The following NPAS2 variants were observed in gnomAD, a reference collection of about 807,000 sequenced individuals.
The protein encoded by NPAS2 is neuronal PAS domain-containing protein 2.
In NPAS2, 23 loss-of-function variants were observed where a neutral mutation model predicts 107.5. The observed-to-expected ratio is 0.21, with a 90% CI of 0.15 to 0.30. The LOEUF is 0.30. Ranked by LOEUF, NPAS2 falls within the 10% of genes least tolerant of loss-of-function variation. The pLI is 1.00. For synonymous variants in NPAS2, 403 were observed against 417.5 expected (o/e 0.97, Z 0.42); for missense variants, 756 against 1,043.3 (o/e 0.72, Z 3.79).
intron 12 of NPAS2, 37 bp from the exon 13 acceptor site, chr2:100,974,766 A>G: frequency 6.3e-7 from 1 of 1,589,600 alleles, no homozygotes; most frequent in Non-Finnish European, 8.6e-7. Flanking sequence ...TTTCCTCTTG[A>G]TGCTGACATG....
chr2:100,895,351 G>C (rs1214871746), intron 1 of NPAS2, among the ~76,000 whole-genome samples: 1 of 152,238 alleles, frequency 6.6e-6, no homozygotes, highest in Non-Finnish European at 1.5e-5. Flanking sequence ...AGTGAGAAAA[G>C]CTCTTCTGTT....
At chr2:100,912,254 T>C (rs1682604596) in intron 2 of NPAS2, among the ~76,000 whole-genome samples, 1 of 54,874 alleles carries the variant, frequency 1.8e-5, no homozygotes, top group Admixed American at 3.1e-4. Context: ...ATTTATTTAT[T>C]TATTATTATT....
chr2:100,989,312 G>A (rs1301182169), intron 17 of NPAS2: 2 of 152,520 alleles, frequency 1.3e-5, no homozygotes, highest in Non-Finnish European at 2.9e-5. Flanking sequence ...GTCCAGTAGA[G>A]AATCTGGGAA....
At chr2:100,932,863 T>G in intron 3 of NPAS2, 47 bp from the exon 4 acceptor site, 1 of 1,310,156 alleles carries the variant, frequency 7.6e-7, no homozygotes, top group Non-Finnish European at 1.1e-6. Flanking sequence ...TAATTCCAAT[T>G]TCTAGGTGCC....
At chr2:100,830,187 G>A (rs537425210) in intron 1 of NPAS2, among the ~76,000 whole-genome samples, 19 of 152,188 alleles carry the variant, frequency 1.2e-4, no homozygotes, top group African/African-American at 4.6e-4. Context: ...CATGACAGGT[G>A]GTAGAAGAAA....
At chr2:100,856,486 T>G (rs1368932612) in intron 1 of NPAS2, among the ~76,000 whole-genome samples, 1 of 152,154 alleles carries the variant, frequency 6.6e-6, no homozygotes, top group Admixed American at 6.5e-5. Flanking sequence ...AAATGTTCAT[T>G]TAGATCTAAT....
intron 1 of NPAS2, among the ~76,000 whole-genome samples, chr2:100,890,815 G>A (rs902121241): frequency 3.9e-5 from 6 of 152,100 alleles, no homozygotes; most frequent in African/African-American, 1.2e-4. Flanking sequence ...TGCTCCCTGC[G>A]GGGCCCCTTG....
At chr2:100,824,699 A>G (rs944667451) in intron 1 of NPAS2, among the ~76,000 whole-genome samples, 1 of 152,178 alleles carries the variant, frequency 6.6e-6, no homozygotes, top group African/African-American at 2.4e-5. Context: ...TCACCCTGAT[A>G]TTAGGAGGGG....
chr2:100,949,766 A>G (rs1675114851), intron 7 of NPAS2, among the ~76,000 whole-genome samples: 1 of 152,192 alleles, frequency 6.6e-6, no homozygotes, highest in Non-Finnish European at 1.5e-5. Flanking sequence ...TACTGTGAGA[A>G]ACAACATACA....
At chr2:100,918,902 A>G (rs1380685374) in intron 2 of NPAS2, among the ~76,000 whole-genome samples, 1 of 152,228 alleles carries the variant, frequency 6.6e-6, no homozygotes, top group East Asian at 1.9e-4. Context: ...TCTTTACTTC[A>G]GAAAAATACA....
Position 100,977,766 on chromosome 2 carries a change from C to A in NPAS2, c.1449C>A (p.Thr483=). Residue 483 remains threonine (T), a synonymous_variant, in exon 15 of 21, where the codon ACC becomes ACA. Transcript: ENST00000335681. ...TCACACAGCAGCTCCTGCCTCAGAC[C>A]GTTCTGCAGAGCACGCCCGCTCCCA... The part of the protein sequence containing the change: ...CDLTQQLLPQ[T]VLQSTPAPMA... The A allele has an allele frequency of 6.2e-7, 1 of 1,614,196 alleles. No homozygotes were observed. The highest frequency in any genetic ancestry group is 8.5e-7 in the Non-Finnish European group (1 of 1,180,046).
chr2:100,940,801 A>G (rs1434393586), intron 5 of NPAS2, among the ~76,000 whole-genome samples: 1 of 152,222 alleles, frequency 6.6e-6, no homozygotes, highest in Admixed American at 6.5e-5. Context: ...TCAGAATCCT[A>G]TACGGGACAC....
At chr2:100,829,422 C>G (rs1002738290) in intron 1 of NPAS2, among the ~76,000 whole-genome samples, 6 of 152,116 alleles carry the variant, frequency 3.9e-5, no homozygotes, top group Admixed American at 3.9e-4. Context: ...CACTTTGGAA[C>G]TGTGTTCTTG....
At chr2:100,869,903 T>C (rs1470559862) in intron 1 of NPAS2, among the ~76,000 whole-genome samples, 2 of 131,606 alleles carry the variant, frequency 1.5e-5, no homozygotes, top group Admixed American at 7.3e-5. Context: ...CTGACTTCTT[T>C]TTTTTTTTTT....
chr2:100,951,808 A>C lies in NPAS2; in HGVS notation c.598+2328A>C, dbSNP rs538670387. 7.2e-5 allele frequency among the ~76,000 whole-genome samples: 11 copies of C among 152,218 alleles called. No homozygotes were observed. In the South Asian group the frequency reaches 2.3e-3, roughly 32 times the overall value. ...TCAGCCCTACTGAACTGTGCACTTCAAAACGGTTACGATGGCAAACTTTGT... is the reference window on the plus strand; with the variant it reads ...TCAGCCCTACTGAACTGTGCACTTCCAAACGGTTACGATGGCAAACTTTGT... On this transcript the variant is annotated intron_variant, in intron 7 of 20. Coordinates refer to ENST00000335681, the MANE Select transcript of NPAS2 (RefSeq NM_002518.4).
At chr2:100,961,794 G>T (rs1675931199) in intron 7 of NPAS2, among the ~76,000 whole-genome samples, 1 of 152,224 alleles carries the variant, frequency 6.6e-6, no homozygotes. Context: ...GCACAGGAAT[G>T]TAACAGCTGA....
At position 100,820,889 on chromosome 2, in the gene NPAS2, C is replaced by A; in HGVS notation, c.-23+475C>A. 1 of 456,306 alleles carries A rather than the reference C, an allele frequency of 2.2e-6. No homozygotes were observed. The highest frequency in any genetic ancestry group is 3.8e-6 in the Non-Finnish European group (1 of 263,458). 28.3% of individuals were successfully genotyped at this position (456,306 alleles called of 1,614,324 possible). A position where few individuals can be genotyped will look rare whatever the true frequency, so the allele number is the denominator to read the frequency against. On this transcript the variant is annotated intron_variant, in intron 1 of 20. Coordinates refer to ENST00000335681, the MANE Select transcript of NPAS2 (RefSeq NM_002518.4). The surrounding 1 kb of genome is among the most constrained non-coding windows in gnomAD (Gnocchi z 5.6). ...CCCTGGGCCCGCGGTCTCTCGGAGT[C>A]CCTGGGTCGGAATTGGTTCCGGGCC...
chr2:100,970,132 C>T (rs540165397), intron 11 of NPAS2, among the ~76,000 whole-genome samples: 110 of 152,320 alleles, frequency 7.2e-4, no homozygotes, highest in Middle Eastern at 6.8e-3. Context: ...TGCCACTGGG[C>T]GTGCAGCAGC....
At chr2:100,826,239 C>T (rs533976248) in intron 1 of NPAS2, among the ~76,000 whole-genome samples, 18 of 152,206 alleles carry the variant, frequency 1.2e-4, no homozygotes, top group Non-Finnish European at 1.6e-4. Context: ...GTCAGGAGTT[C>T]GAGACAATCC....
Sources: allele counts gnomAD v4.1 joint callset (sites outside exome capture counted in the v4.1 genomes callset), GRCh38; gene constraint gnomAD v4.1.1; non-coding constraint Gnocchi (gnomAD v3.1); transcripts MANE v1.5; gene names NCBI Gene and HGNC (gene_info 2026-07-23, HGNC 2026-07-21).